CCDC85A: variants seen among roughly 807,000 people sequenced by gnomAD.
CCDC85A encodes coiled-coil domain containing 85A, also known as coiled-coil domain-containing protein 85A.
In CCDC85A, 38 loss-of-function variants were observed where a neutral mutation model predicts 50.2. The ratio of observed to expected loss-of-function variants is 0.76; its 90% CI spans 0.58 to 0.99. The LOEUF is 0.99. Among genes scored for constraint, CCDC85A ranks in the 50% least tolerant of loss-of-function variants. CCDC85A has a pLI of 0.00. For missense variants in CCDC85A, 820 were observed against 742.0 expected, an observed-to-expected ratio of 1.11 and a Z score of -1.22; for synonymous variants, 366 against 301.4, an observed-to-expected ratio of 1.21 and a Z score of -2.22.
chr2:56,383,252 A>C (rs1558669213), intron 5 of CCDC85A, among the ~76,000 whole-genome samples: 1 of 152,000 alleles, frequency 6.6e-6, no homozygotes, highest in Non-Finnish European at 1.5e-5. Context: ...CAAACCAAAC[A>C]AAAGAAACAG....
intron 5 of CCDC85A, among the ~76,000 whole-genome samples, chr2:56,378,607 T>A (rs1368239148): frequency 6.6e-6 from 1 of 152,196 alleles, no homozygotes; most frequent in Non-Finnish European, 1.5e-5. Context: ...GGCTCAGAAG[T>A]GGCATTTTTA....
intron 2 of CCDC85A, among the ~76,000 whole-genome samples, chr2:56,261,326 G>A (rs1009395417): frequency 5.3e-5 from 8 of 152,136 alleles, no homozygotes; most frequent in African/African-American, 1.9e-4. Flanking sequence ...CTTTATTGGT[G>A]CTGTGTGCAC....
chr2:56,312,370 G>A (rs903585158), intron 2 of CCDC85A, among the ~76,000 whole-genome samples: 5 of 151,966 alleles, frequency 3.3e-5, no homozygotes, highest in African/African-American at 1.2e-4. Context: ...ATAATTAAAT[G>A]TTTAATGTTT....
chr2:56,317,261 G>A (rs971186888), intron 2 of CCDC85A, among the ~76,000 whole-genome samples: 2 of 151,990 alleles, frequency 1.3e-5, no homozygotes, highest in African/African-American at 4.8e-5. Flanking sequence ...ATCAATTTAA[G>A]CAATTTATCT....
chr2:56,367,435 T>C (rs1168059879), intron 3 of CCDC85A, among the ~76,000 whole-genome samples: 2 of 152,148 alleles, frequency 1.3e-5, no homozygotes, highest in African/African-American at 2.4e-5. Context: ...ATATGCAAAA[T>C]CTGCTATAGA....
intron 2 of CCDC85A, among the ~76,000 whole-genome samples, chr2:56,331,027 A>C (rs1311080383): frequency 6.6e-6 from 1 of 152,210 alleles, no homozygotes; most frequent in Non-Finnish European, 1.5e-5. Context: ...GTATAGACAC[A>C]ATAGAATACT....
intron 5 of CCDC85A, chr2:56,379,698 C>T: frequency 1.7e-6 from 1 of 602,246 alleles, no homozygotes; most frequent in Non-Finnish European, 2.1e-6. Flanking sequence ...TTTATCATAA[C>T]TAACAAGCTT....
At chr2:56,218,091 C>T (rs764397005) in intron 2 of CCDC85A, among the ~76,000 whole-genome samples, 37 of 151,760 alleles carry the variant, frequency 2.4e-4, no homozygotes, top group Non-Finnish European at 3.8e-4. Context: ...ACAAAAACAA[C>T]AGGAAATAAG....
rs1347810649 is a variant in CCDC85A at position 56,193,108 on chromosome 2, A to T, written c.908A>T (p.Glu303Val). Residue 303 changes from glutamate (E) to valine (V), a missense_variant, in exon 2 of 6, where the codon GAA (glutamate) becomes GTA (valine). By Grantham distance (121) the Glu-to-Val change is moderately radical. Coordinates refer to ENST00000407595, the MANE Select transcript of CCDC85A (RefSeq NM_001080433.2). ...CACCCGCATCCAGGGAGCAGCCCCG[A>T]AACGCTGCCCAAGCACGTGCTGAGT... is the stretch of plus-strand genomic sequence containing the variant. ...QRHPHPGSSPETLPKHVLSGS... is the reference protein window; with the variant it reads ...QRHPHPGSSPVTLPKHVLSGS... The T allele has an allele frequency of 6.2e-7, 1 of 1,613,750 alleles. No individual in the cohort carries two copies. The highest frequency in any genetic ancestry group is 1.3e-5 in the African/African-American group (1 of 74,950).
rs568018312 is a variant in CCDC85A at position 56,365,156 on chromosome 2, GC to G, written c.1318-7186del. Among the ~76,000 whole-genome samples, 84 of 152,304 alleles carry G rather than the reference GC, an allele frequency of 5.5e-4. 1 individual carries two copies. The highest frequency in any genetic ancestry group is 6.8e-3 in the Middle Eastern group (2 of 294). On this transcript the variant is annotated intron_variant, in intron 3 of 5. Coordinates refer to ENST00000407595, the MANE Select transcript of CCDC85A (RefSeq NM_001080433.2). ...TTTTATTTTCCTGAACATGTCAGCA[GC>G]CTAAGATTTTTGGTTCTCTGAATTG...
chr2:56,225,342 C>G (rs1668499073), intron 2 of CCDC85A, among the ~76,000 whole-genome samples: 1 of 152,098 alleles, frequency 6.6e-6, no homozygotes, highest in South Asian at 2.1e-4. Flanking sequence ...AGGAGAATCA[C>G]TTGAACACAG....
chr2:56,261,056 G>A (rs1670196213), intron 2 of CCDC85A, among the ~76,000 whole-genome samples: 2 of 152,154 alleles, frequency 1.3e-5, no homozygotes, highest in South Asian at 2.1e-4. Flanking sequence ...TACTGAACAG[G>A]CATCAGGACC....
chr2:56,320,100 G>C (rs1409689133), intron 2 of CCDC85A, among the ~76,000 whole-genome samples: 1 of 152,080 alleles, frequency 6.6e-6, no homozygotes, highest in Non-Finnish European at 1.5e-5. Context: ...TGAGAACAAA[G>C]ACACAACATA....
chr2:56,363,780 C>G lies in CCDC85A; in HGVS notation c.1318-8564C>G, dbSNP rs141591151. Among the ~76,000 whole-genome samples, 127 of 152,322 alleles carry G rather than the reference C, an allele frequency of 8.3e-4. 1 individual carries two copies. The South Asian group carries it at 0.012, about 14-fold the overall frequency. ...TGTTTAACACAATTATTAATCGGCT[C>G]TGGTCTGCAAGTCAGATGCAATGTT... On this transcript the variant is annotated intron_variant, in intron 3 of 5. Coordinates refer to ENST00000407595, the MANE Select transcript of CCDC85A (RefSeq NM_001080433.2).
intron 2 of CCDC85A, among the ~76,000 whole-genome samples, chr2:56,286,647 T>C (rs1055276242): frequency 6.6e-6 from 1 of 152,208 alleles, no homozygotes; most frequent in Non-Finnish European, 1.5e-5. Flanking sequence ...TGAACATATT[T>C]ATAATAACTA....
intron 3 of CCDC85A, among the ~76,000 whole-genome samples, chr2:56,365,950 T>A (rs563651417): frequency 4.0e-5 from 6 of 151,792 alleles, no homozygotes; most frequent in African/African-American, 1.4e-4. Flanking sequence ...ACCTTTCTCC[T>A]CTCTAAGTAG....
intron 2 of CCDC85A, among the ~76,000 whole-genome samples, chr2:56,243,986 A>G (rs987679048): frequency 6.6e-6 from 1 of 152,202 alleles, no homozygotes; most frequent in Non-Finnish European, 1.5e-5. Flanking sequence ...TTTGTCTCCA[A>G]CAAATAGAGT....
intron 2 of CCDC85A, among the ~76,000 whole-genome samples, chr2:56,315,611 A>C: frequency 6.6e-6 from 1 of 152,220 alleles, no homozygotes; most frequent in South Asian, 2.1e-4. Context: ...ATGCTATTCC[A>C]TTGAGTTAAG....
chr2:56,384,652 G>A lies in CCDC85A; in HGVS notation c.*297G>A, dbSNP rs1420267370. On this transcript the variant is annotated 3_prime_UTR_variant, in exon 6 of 6. Coordinates refer to ENST00000407595, the MANE Select transcript of CCDC85A (RefSeq NM_001080433.2). Reference sequence around the variant, plus strand: ...GTACCAGTGTTTTCATTAGAAATAAGTGTTTTTAACTCCCCAGATATAATA... The same window carrying A: ...GTACCAGTGTTTTCATTAGAAATAAATGTTTTTAACTCCCCAGATATAATA... The A allele has an allele frequency of 3.6e-6, 1 of 279,246 alleles. No homozygotes were observed. The highest frequency in any genetic ancestry group is 4.5e-5 in the Admixed American group (1 of 22,044). 17.3% of individuals were successfully genotyped at this position (279,246 alleles called of 1,614,324 possible).
Sources: allele counts gnomAD v4.1 joint callset (sites outside exome capture counted in the v4.1 genomes callset), GRCh38; gene constraint gnomAD v4.1.1; transcripts MANE v1.5; gene names NCBI Gene and HGNC (gene_info 2026-07-23, HGNC 2026-07-21).